Variants in PMVK observed in about 807,000 individuals in gnomAD.
PMVK encodes testis tissue sperm-binding protein Li 95mP.
In PMVK, 10 loss-of-function variants were observed where a neutral mutation model predicts 19.0. The ratio of observed to expected loss-of-function variants is 0.53; its 90% CI spans 0.32 to 0.89. PMVK has a LOEUF of 0.89. PMVK is among the 40% of genes least tolerant of loss of function. The pLI is 0.03. For synonymous variants in PMVK, 108 were observed against 101.6 expected (o/e 1.06, Z -0.38); for missense variants, 222 against 251.1 (o/e 0.88, Z 0.78).
intron 2 of PMVK, among the ~76,000 whole-genome samples, chr1:154,931,682 C>A (rs1353567567): frequency 6.6e-6 from 1 of 151,584 alleles, no homozygotes; most frequent in African/African-American, 2.4e-5. Context: ...ATTTAGAATT[C>A]TTTTACAATT....
chr1:154,932,952 A>C (rs181630962), intron 1 of PMVK, among the ~76,000 whole-genome samples: 2 of 152,200 alleles, frequency 1.3e-5, no homozygotes, highest in Non-Finnish European at 2.9e-5. Context: ...CCACCAAAAA[A>C]TTTAAAAATT....
upstream of PMVK, chr1:154,938,170 A>T (rs1039156726): frequency 6.6e-6 from 1 of 152,262 alleles, no homozygotes; most frequent in African/African-American, 2.4e-5. Flanking sequence ...CGGAAAGTCC[A>T]CATCTCCTGT....
rs1228955826 is a variant in PMVK, at chr1:154,932,354, G to A, written c.157C>T (p.Gln53Ter). Residue 53 changes from glutamine (Q) to a stop codon, truncating the protein, a stop_gained and splice_region_variant, in exon 2 of 5, where the codon CAG becomes TAG. Coordinates refer to ENST00000368467, the MANE Select transcript of PMVK (RefSeq NM_006556.4). LOFTEE classifies it high-confidence loss of function. ...GGATGCCACAAAGCACCACCTACCT[G>A]AGCATACTGTTCCTTGAGTGGACCA... ...LSGPLKEQYAQEHGLNFQRLL... is the reference protein window; with the variant it reads ...LSGPLKEQYA 6.2e-7 allele frequency: 1 copy of A among 1,611,938 alleles called. No homozygotes were observed. The highest frequency in any genetic ancestry group is 2.2e-5 in the East Asian group (1 of 44,844).
At chr1:154,939,970 T>G (rs961885070), upstream of PMVK, among the ~76,000 whole-genome samples, 3 of 151,386 alleles carry the variant, frequency 2.0e-5, no homozygotes, top group African/African-American at 7.3e-5. Flanking sequence ...AGAGATAAGG[T>G]CTTGCTATGT....
At chr1:154,930,782 T>G (rs1366557419) in intron 2 of PMVK, among the ~76,000 whole-genome samples, 1 of 149,928 alleles carries the variant, frequency 6.7e-6, no homozygotes, top group East Asian at 2.0e-4. Flanking sequence ...GAAAGAATCC[T>G]GCTTAAAATT....
Position 154,926,451 on chromosome 1 carries a change from G to T in PMVK, c.345C>A (p.Ile115=), listed in dbSNP as rs1480085700. 5.6e-6 allele frequency: 9 copies of T among 1,613,694 alleles called. No individual in the cohort carries two copies. Among genetic ancestry groups the T allele is most frequent in the Non-Finnish European group, 8.5e-7 (1 of 1,179,850 alleles). The change falls in exon 4 of 5, where the codon ATC becomes ATA. Residue 115 remains isoleucine, a synonymous_variant. Transcript: ENST00000368467. The part of the protein sequence containing the change: ...LVSDTRRVSD[I]QWFREAYGAV... ...CCCCATAGGCCTCCCGAAACCACTG[G>T]ATGTCAGACACTCTCCGTGTGTCAC...
At position 154,929,042 on chromosome 1, in the gene PMVK, GC is replaced by G. The variant is rs1488768291; in HGVS notation, c.293del (p.Gly98AlafsTer9). 1 of 1,614,022 alleles carries G rather than the reference GC, an allele frequency of 6.2e-7. No individual in the cohort carries two copies. On this transcript the variant is annotated frameshift_variant, in exon 3 of 5. Transcript: ENST00000368467. LOFTEE classifies it high-confidence loss of function. The part of the protein sequence containing the change: ...PGFFCRKIVE[G>X]ISQPIWLVSD... Reference sequence around the variant, plus strand: ...CTCTTACCCAGATGGGCTGGGAGATGCCCTCCACAATCTTCCTGCAAAAGAA... The same window carrying G: ...CTCTTACCCAGATGGGCTGGGAGATGCCTCCACAATCTTCCTGCAAAAGAA...
intron 1 of PMVK, 22 bp downstream of exon 1, chr1:154,936,559 TCCCCCTTCCA>T (rs1654509724): frequency 1.3e-6 from 2 of 1,572,052 alleles, no homozygotes; most frequent in Non-Finnish European, 1.7e-6. Flanking sequence ...TGCGGAGAGC[TCCCCCTTCCA>T]CCTTTCCCGC....
chr1:154,930,310 A>G (rs1433540155), intron 2 of PMVK, among the ~76,000 whole-genome samples: 2 of 152,124 alleles, frequency 1.3e-5, no homozygotes, highest in Non-Finnish European at 2.9e-5. Context: ...ATACAAAACA[A>G]TTACCCGGGC....
intron 3 of PMVK, among the ~76,000 whole-genome samples, chr1:154,928,794 T>TAAATAAAA (rs1654248184): frequency 6.6e-6 from 1 of 150,610 alleles, no homozygotes; most frequent in African/African-American, 2.4e-5. Flanking sequence ...AATAAATAAA[T>TAAATAAAA]AAATAAATAA....
At chr1:154,941,724 A>G in the PMVK span, among the ~76,000 whole-genome samples, 2 of 152,108 alleles carry the variant, frequency 1.3e-5, no homozygotes, top group Non-Finnish European at 2.9e-5. Flanking sequence ...GTGACCCACT[A>G]CCACCTATGA....
In PMVK at chr1:154,933,252, G is replaced by A. The variant is rs570413757; in HGVS notation, c.96-837C>T. On this transcript the variant is annotated intron_variant, in intron 1 of 4. Transcript: ENST00000368467. Reference sequence around the variant, plus strand: ...AGTTTGAGACCAGCCTGACCAACACGGTGAAACCCTGTCTCTACTAAAAGC... The same window carrying A: ...AGTTTGAGACCAGCCTGACCAACACAGTGAAACCCTGTCTCTACTAAAAGC... 6.3e-4 allele frequency among the ~76,000 whole-genome samples: 96 copies of A among 152,078 alleles called. 2 individuals carry two copies. In the South Asian group the frequency reaches 7.3e-3, roughly 11 times the overall value.
At chr1:154,925,398 C>G in intron 4 of PMVK, 133 bp from the exon 5 acceptor site, 1 of 877,274 alleles carries the variant, frequency 1.1e-6, no homozygotes, top group Admixed American at 2.1e-5. Flanking sequence ...GCTACCCACC[C>G]AGAAGGCACC....
At chr1:154,936,740 T>A (rs1191485391), upstream of PMVK, 1 of 1,452,012 alleles carries the variant, frequency 6.9e-7, no homozygotes, top group African/African-American at 1.4e-5. Flanking sequence ...ACCCCTAAAA[T>A]CGGGACACCG....
chr1:154,926,143 C>T (rs1654151191), intron 4 of PMVK, among the ~76,000 whole-genome samples: 1 of 152,208 alleles, frequency 6.6e-6, no homozygotes, highest in African/African-American at 2.4e-5. Context: ...AGCCAGACCA[C>T]CAAAGCAGCC....
chr1:154,926,984 A>C (rs931923483), intron 3 of PMVK, among the ~76,000 whole-genome samples: 1 of 152,140 alleles, frequency 6.6e-6, no homozygotes, highest in Non-Finnish European at 1.5e-5. Flanking sequence ...TGATAATTCT[A>C]TATTTGTCCA....
intron 1 of PMVK, among the ~76,000 whole-genome samples, chr1:154,934,278 C>T (rs756781740): frequency 6.6e-6 from 1 of 152,194 alleles, no homozygotes; most frequent in Non-Finnish European, 1.5e-5. Context: ...GGATTACAGG[C>T]GTGAGCCACT....
chr1:154,929,598 C>A (rs910919459), intron 2 of PMVK, among the ~76,000 whole-genome samples: 3 of 152,064 alleles, frequency 2.0e-5, no homozygotes, highest in African/African-American at 7.2e-5. Context: ...TTGTTTGCCC[C>A]CATCCCAAAT....
At position 154,926,433 on chromosome 1, in the gene PMVK, G is replaced by A. The variant is rs1654162717; in HGVS notation, c.363C>T (p.Ala121=). 1.3e-5 allele frequency: 21 copies of A among 1,613,868 alleles called. No homozygotes were observed. The highest frequency in any genetic ancestry group is 1.8e-5 in the Non-Finnish European group (21 of 1,179,902). ...GGACCGTCTGCGTCACGGCCCCATA[G>A]GCCTCCCGAAACCACTGGATGTCAG... ...RVSDIQWFRE[A]YGAVTQTVRV... Residue 121 remains alanine (A), a synonymous_variant, in exon 4 of 5, where the codon GCC becomes GCT. Transcript: ENST00000368467.
Sources: gnomAD v4.1 joint callset for allele counts (sites outside exome capture counted in the v4.1 genomes callset) on GRCh38, gnomAD v4.1.1 for gene constraint, MANE v1.5 for transcripts, NCBI Gene and HGNC (gene_info 2026-07-23, HGNC 2026-07-21) for gene names.